The following C19orf47 variants were observed in gnomAD, a reference collection of about 807,000 sequenced individuals.
C19orf47 encodes the protein uncharacterized protein C19orf47.
In C19orf47, 18 loss-of-function variants were observed where a neutral mutation model predicts 32.3. The ratio of observed to expected loss-of-function variants is 0.56; its 90% confidence interval spans 0.39 to 0.83. The LOEUF (loss-of-function observed/expected upper bound fraction) is 0.83, where lower values mean the gene tolerates loss of function less well. C19orf47 is among the 40% of genes least tolerant of loss of function. The pLI is 0.00. For synonymous variants in C19orf47, 202 were observed against 211.1 expected (o/e 0.96, Z 0.37); for missense variants, 484 against 531.6 (o/e 0.91, Z 0.88).
intron 5 of C19orf47, among the ~76,000 whole-genome samples, chr19:40,330,236 CT>C (rs906360590): frequency 1.4e-5 from 2 of 144,786 alleles, no homozygotes; most frequent in Non-Finnish European, 3.1e-5. Context: ...TCTTTTTTTT[CT>C]TTTTTTTTTG....
At chr19:40,306,781 T>A in the C19orf47 span, among the ~76,000 whole-genome samples, 1 of 131,282 alleles carries the variant, frequency 7.6e-6, no homozygotes, top group East Asian at 2.2e-4. Context: ...CCTGTAAGAA[T>A]GTCATTAAAA....
chr19:40,336,509 T>A, intron 2 of C19orf47, 102 bp from the exon 3 acceptor site: 1 of 1,038,886 alleles, frequency 9.6e-7, no homozygotes, highest in Non-Finnish European at 1.4e-6. Flanking sequence ...ATGCTCATCA[T>A]ATGCCAGGCC....
downstream of C19orf47, among the ~76,000 whole-genome samples, chr19:40,317,065 T>C (rs960362777): frequency 2.0e-5 from 3 of 152,180 alleles, no homozygotes; most frequent in African/African-American, 7.2e-5. Flanking sequence ...TACTTTTCAC[T>C]GTAGAGACTT....
intron 5 of C19orf47, 44 bp downstream of exon 5, chr19:40,333,807 G>A (rs1479021324): frequency 6.9e-7 from 1 of 1,453,418 alleles, no homozygotes; most frequent in Non-Finnish European, 9.3e-7. Flanking sequence ...TCACTGACAG[G>A]GTATAAAAAT....
chr19:40,325,000 T>C (rs1396335785), intron 7 of C19orf47, among the ~76,000 whole-genome samples: 1 of 149,544 alleles, frequency 6.7e-6, no homozygotes, highest in Admixed American at 6.7e-5. Context: ...CCAGGCATGG[T>C]GGCTCACGCC....
chr19:40,326,682 G>A (rs918990027), intron 6 of C19orf47, among the ~76,000 whole-genome samples, 196 bp from the exon 7 acceptor site: 5 of 152,162 alleles, frequency 3.3e-5, no homozygotes, highest in South Asian at 2.1e-4. Flanking sequence ...AAGGTGCTCA[G>A]AATCCCCAGG....
intron 1 of C19orf47, among the ~76,000 whole-genome samples, chr19:40,342,797 A>C (rs1380073775): frequency 6.6e-6 from 1 of 152,214 alleles, no homozygotes; most frequent in East Asian, 1.9e-4. Flanking sequence ...CAGCGCCCTG[A>C]GCCAGTGGCT....
rs149925272 is a variant in C19orf47 at position 40,326,473 on chromosome 19, G to A, written c.453C>T (p.Arg151=). ...KSAKATAALA[R]REEESLAVPA... ...GAACAGCCAGGCTCTCCTCCTCCCGGCGGGCCAGGGCTGCTGGGGGAAGAA... is the reference window on the plus strand; with the variant it reads ...GAACAGCCAGGCTCTCCTCCTCCCGACGGGCCAGGGCTGCTGGGGGAAGAA... Residue 151 remains arginine, a synonymous_variant, in exon 7 of 9, where the codon CGC becomes CGT. Transcript: ENST00000683109. 7.5e-4 allele frequency: 1,218 copies of A among 1,613,442 alleles called. 2 individuals are homozygous for A. The highest frequency in any genetic ancestry group is 9.4e-4 in the Non-Finnish European group (1,114 of 1,179,988).
upstream of C19orf47, chr19:40,348,401 C>T (rs2078378103): frequency 2.7e-6 from 4 of 1,477,636 alleles, no homozygotes; most frequent in Non-Finnish European, 3.6e-6. Context: ...ACTCCTCCCC[C>T]GGCCCGGGCT....
chr19:40,321,748 GC>G lies in C19orf47; in HGVS notation c.*133del. The G allele has an allele frequency of 7.0e-7, 1 of 1,435,446 alleles. No individual in the cohort carries two copies. Among genetic ancestry groups the G allele is most frequent in the Non-Finnish European group, 9.1e-7 (1 of 1,099,582 alleles). 88.9% of individuals were successfully genotyped at this position (1,435,446 alleles called of 1,614,324 possible). A position where few individuals can be genotyped will look rare whatever the true frequency, so the allele number is the denominator to read the frequency against. On this transcript the variant is annotated 3_prime_UTR_variant, in exon 9 of 9. Coordinates refer to ENST00000683109, the MANE Select transcript of C19orf47 (RefSeq NM_001256441.2). ...ATGGGGTGATCCCCCGAATGCTCGG[GC>G]CTAGCTCTAGAGCCCGAGGGAGACA...
intron 5 of C19orf47, among the ~76,000 whole-genome samples, chr19:40,333,141 C>T (rs1465903847): frequency 6.6e-6 from 1 of 151,708 alleles, no homozygotes; most frequent in South Asian, 2.1e-4. Context: ...GCCTGTAATC[C>T]CAGCTACTTA....
At chr19:40,302,200 T>C in the C19orf47 span, among the ~76,000 whole-genome samples, 1 of 152,188 alleles carries the variant, frequency 6.6e-6, no homozygotes, top group Non-Finnish European at 1.5e-5. Flanking sequence ...CAATCATTAT[T>C]CTTACTGCTC....
intron 8 of C19orf47, among the ~76,000 whole-genome samples, chr19:40,323,464 G>A (rs1461675794): frequency 2.6e-5 from 4 of 152,212 alleles, no homozygotes; most frequent in African/African-American, 9.7e-5. Context: ...TGCGGGCCGC[G>A]GCAGGAAGTA....
intron 8 of C19orf47, 63 bp from the exon 9 acceptor site, chr19:40,322,439 C>T (rs1357164387): frequency 3.4e-6 from 5 of 1,480,884 alleles, no homozygotes; most frequent in Non-Finnish European, 4.5e-6. Flanking sequence ...TCATGGAGAG[C>T]TGCTTCCTCT....
At chr19:40,331,010 C>T (rs1323575921) in intron 5 of C19orf47, among the ~76,000 whole-genome samples, 1 of 152,128 alleles carries the variant, frequency 6.6e-6, no homozygotes, top group Non-Finnish European at 1.5e-5. Context: ...CTGTGAATGG[C>T]ACCCCACTGT....
chr19:40,345,605 G>A (rs2078258555), intron 1 of C19orf47, among the ~76,000 whole-genome samples: 2 of 151,266 alleles, frequency 1.3e-5, no homozygotes. Flanking sequence ...ACTTTGGGAG[G>A]CTGAGGCGGG....
At chr19:40,312,105 T>A in the C19orf47 span, among the ~76,000 whole-genome samples, 1 of 152,228 alleles carries the variant, frequency 6.6e-6, no homozygotes, top group Non-Finnish European at 1.5e-5. Flanking sequence ...ATGACCACAA[T>A]GCGAGTTCTC....
rs2077877812 is a variant in C19orf47, at chr19:40,328,397, GC to G, written c.439+15del. ...TCCCCTCCAGCTCCTCCTACCACCT[GC>G]CCATGTTCCCTCACCAGTGGCCTTG... On this transcript the variant is annotated intron_variant, in intron 6 of 8. Transcript: ENST00000683109. 2 of 1,611,222 alleles carry G rather than the reference GC, an allele frequency of 1.2e-6. No individual in the cohort carries two copies. Among genetic ancestry groups the G allele is most frequent in the African/African-American group, 2.7e-5 (2 of 74,786 alleles).
chr19:40,302,111 A>C, the C19orf47 span, among the ~76,000 whole-genome samples: 1 of 152,298 alleles, frequency 6.6e-6, no homozygotes, highest in East Asian at 1.9e-4. Context: ...CAGTGAGCCA[A>C]GAACGTGCCA....
Sources: gnomAD v4.1 joint callset for allele counts (sites outside exome capture counted in the v4.1 genomes callset) on GRCh38, gnomAD v4.1.1 for gene constraint, MANE v1.5 for transcripts, NCBI Gene and HGNC (gene_info 2026-07-23, HGNC 2026-07-21) for gene names.